DYNC1H1: variants seen among roughly 807,000 people sequenced by gnomAD.
The protein encoded by DYNC1H1 is cytoplasmic dynein 1 heavy chain 1.
DYNC1H1 carries 51 observed loss-of-function variants against 527.1 expected under a neutral mutation model. The ratio of observed to expected loss-of-function variants is 0.10; its 90% CI spans 0.08 to 0.12. DYNC1H1 has a LOEUF of 0.12. Among genes scored for constraint, DYNC1H1 ranks in the 10% least tolerant of loss-of-function variants. DYNC1H1 has a pLI of 1.00. For synonymous variants in DYNC1H1, 2,189 were observed against 2,278.8 expected, an observed-to-expected ratio of 0.96 and a Z score of 1.12; for missense variants, 2,771 against 5,971.8, an observed-to-expected ratio of 0.46 and a Z score of 17.66.
intron 11 of DYNC1H1, among the ~76,000 whole-genome samples, chr14:101,992,369 T>C (rs1172942331): frequency 6.6e-6 from 1 of 152,246 alleles, no homozygotes; most frequent in Middle Eastern, 3.2e-3. Context: ...TGCTGGGCAC[T>C]GTCCAGCTAA....
intron 1 of DYNC1H1, among the ~76,000 whole-genome samples, chr14:101,970,473 G>GTTGTTGT (rs2047722192): frequency 2.5e-5 from 2 of 81,436 alleles, no homozygotes; most frequent in African/African-American, 9.2e-5. Flanking sequence ...GTTTGTTGTT[G>GTTGTTGT]TTTTTTTTTT....
rs1475876803 is a variant in DYNC1H1, at chr14:101,995,099, G to A, written c.3444+3G>A. ...AATTCCATTCCCAGATCTCAAAGGT[G>A]AGGACATAGGATTCTGCCTCTGTAA... On this transcript the variant is annotated splice_donor_region_variant and intron_variant, in intron 14 of 77. Coordinates refer to ENST00000360184, the MANE Select transcript of DYNC1H1 (RefSeq NM_001376.5). 1.2e-6 allele frequency: 2 copies of A among 1,614,092 alleles called. No homozygotes were observed. Among genetic ancestry groups the A allele is most frequent in the Admixed American group, 1.7e-5 (1 of 60,004 alleles).
intron 1 of DYNC1H1, among the ~76,000 whole-genome samples, chr14:101,970,862 T>A (rs2047729372): frequency 6.6e-6 from 1 of 152,010 alleles, no homozygotes. Flanking sequence ...TTTGGTAGTG[T>A]ATGCGGGCCA....
At chr14:102,008,910 A>G (rs1260997126) in intron 29 of DYNC1H1, among the ~76,000 whole-genome samples, 3 of 152,230 alleles carry the variant, frequency 2.0e-5, no homozygotes, top group African/African-American at 7.2e-5. Flanking sequence ...TCAGCCAGCC[A>G]GATGCCCCCG....
Position 101,983,421 on chromosome 14 carries a change from G to T in DYNC1H1, c.1273G>T (p.Asp425Tyr), listed in dbSNP as rs2141272504. 6.2e-7 allele frequency: 1 copy of T among 1,614,140 alleles called. No homozygotes were observed. Among genetic ancestry groups the T allele is most frequent in the African/African-American group, 1.3e-5 (1 of 75,026 alleles). Residue 425 changes from aspartate to tyrosine, a missense_variant, in exon 7 of 78, where the codon GAT (aspartate) becomes TAT (tyrosine). Around this residue, in one of 32 missense-constraint regions of DYNC1H1, gnomAD observed 264 missense variants for 619.4 expected, o/e 0.43. Coordinates refer to ENST00000360184, the MANE Select transcript of DYNC1H1 (RefSeq NM_001376.5). This position sits in a 1 kb window ranked among gnomAD's most constrained non-coding sequence, Gnocchi z 5.3. ...ACFEVFQTWD[D>Y]EYEKLQVLLR... Reference sequence around the variant, plus strand: ...CTTTGAAGTTTTTCAGACTTGGGATGATGAGTATGAGAAACTTCAGGTATT... The same window carrying T: ...CTTTGAAGTTTTTCAGACTTGGGATTATGAGTATGAGAAACTTCAGGTATT...
intron 2 of DYNC1H1, among the ~76,000 whole-genome samples, chr14:101,978,370 G>A (rs1459046494): frequency 5.3e-5 from 8 of 152,076 alleles, no homozygotes; most frequent in East Asian, 3.8e-4. Flanking sequence ...ATGTGGTTTC[G>A]CCATGTTGGC....
rs1229540079 is a variant in DYNC1H1 at position 101,964,956 on chromosome 14, C to T, written c.256+9C>T. 1.3e-6 allele frequency: 2 copies of T among 1,588,676 alleles called. No individual in the cohort carries two copies. Among genetic ancestry groups the T allele is most frequent in the East Asian group, 2.3e-5 (1 of 44,130 alleles). The stretch of plus-strand genomic sequence containing the variant: ...GCGCTCCACGCTCAAAGGTGCGGGG[C>T]CGCGGAGGGCAGGGTCGCCAGAGCC... On this transcript the variant is annotated intron_variant, in intron 1 of 77. Transcript: ENST00000360184. This position sits in a 1 kb window ranked among gnomAD's most constrained non-coding sequence, Gnocchi z 5.5.
chr14:102,048,422 G>A, intron 73 of DYNC1H1, 94 bp from the exon 74 acceptor site: 1 of 1,540,948 alleles, frequency 6.5e-7, no homozygotes, highest in South Asian at 1.1e-5. Flanking sequence ...GAAGCTCTGG[G>A]GCTCTCCCCG....
At position 102,033,585 on chromosome 14, in the gene DYNC1H1, C is replaced by A. The variant is rs1449727761; in HGVS notation, c.10413+101C>A. On this transcript the variant is annotated intron_variant, in intron 54 of 77. Coordinates refer to ENST00000360184, the MANE Select transcript of DYNC1H1 (RefSeq NM_001376.5). The surrounding 1 kb of genome is among the most constrained non-coding windows in gnomAD (Gnocchi z 5.6). Reference sequence around the variant, plus strand: ...TGCACCATGCTGGCCTCGGTGAATTCGCTCTTTAACATCTGTAAGGCCCCG... The same window carrying A: ...TGCACCATGCTGGCCTCGGTGAATTAGCTCTTTAACATCTGTAAGGCCCCG... 1 of 1,465,094 alleles carries A rather than the reference C, an allele frequency of 6.8e-7. No individual in the cohort carries two copies. Among genetic ancestry groups the A allele is most frequent in the South Asian group, 1.2e-5 (1 of 83,434 alleles). 90.8% of individuals were successfully genotyped at this position (1,465,094 alleles called of 1,614,324 possible).
Position 102,049,059 on chromosome 14 carries a change from C to G in DYNC1H1, c.13373-381C>G, listed in dbSNP as rs140993937. 1.5e-3 allele frequency: 620 copies of G among 426,598 alleles called. 9 individuals carry two copies. The East Asian group carries it at 0.027, about 18-fold the overall frequency. 26.4% of individuals were successfully genotyped at this position (426,598 alleles called of 1,614,324 possible). A position where few individuals can be genotyped will look rare whatever the true frequency, so the allele number is the denominator to read the frequency against. On this transcript the variant is annotated intron_variant, in intron 74 of 77. Transcript: ENST00000360184. This position sits in a 1 kb window ranked among gnomAD's most constrained non-coding sequence, Gnocchi z 5.5. The stretch of plus-strand genomic sequence containing the variant: ...GGGCAGGCGGGCATGGGGGGCTCAT[C>G]CAAAGTTGTGGGGAGCCCCCAGCAT...
At chr14:101,968,254 G>C (rs1349128353) in intron 1 of DYNC1H1, among the ~76,000 whole-genome samples, 1 of 151,908 alleles carries the variant, frequency 6.6e-6, no homozygotes, top group Non-Finnish European at 1.5e-5. Flanking sequence ...CGTGTAGTTT[G>C]GGTTTTTTGT....
At position 102,040,220 on chromosome 14, in the gene DYNC1H1, G is replaced by T. The variant is rs778210714; in HGVS notation, c.11691-16G>T. On this transcript the variant is annotated splice_polypyrimidine_tract_variant and intron_variant, in intron 62 of 77. Transcript: ENST00000360184. Reference sequence around the variant, plus strand: ...GAACGTGAGAGACCCTAGCTAACCTGTTGCACCCTTCGCAGGGAGCCCACC... The same window carrying T: ...GAACGTGAGAGACCCTAGCTAACCTTTTGCACCCTTCGCAGGGAGCCCACC... The T allele has an allele frequency of 4.3e-6, 7 of 1,613,956 alleles. No individual in the cohort carries two copies. The highest frequency in any genetic ancestry group is 3.3e-5 in the Admixed American group (2 of 59,998).
intron 23 of DYNC1H1, among the ~76,000 whole-genome samples, chr14:102,003,266 CTTT>C (rs71468380): frequency 1.4e-5 from 2 of 141,338 alleles, no homozygotes; most frequent in Admixed American, 7.1e-5. Flanking sequence ...TGGCAGTTTT[CTTT>C]TTTTTTTTTT....
chr14:101,980,286 T>G, intron 4 of DYNC1H1, 78 bp from the exon 5 acceptor site: 1 of 1,524,054 alleles, frequency 6.6e-7, no homozygotes, highest in Non-Finnish European at 9.1e-7. Context: ...TGAGTTGTAA[T>G]GCATGTGTTT....
Position 102,038,366 on chromosome 14 carries a change from G to A in DYNC1H1, c.10909-94G>A, listed in dbSNP as rs1440143868. 1 of 1,545,552 alleles carries A rather than the reference G, an allele frequency of 6.5e-7. No homozygotes were observed. The highest frequency in any genetic ancestry group is 1.9e-5 in the Admixed American group (1 of 51,936). On this transcript the variant is annotated intron_variant, in intron 57 of 77. Transcript: ENST00000360184. The surrounding 1 kb of genome is among the most constrained non-coding windows in gnomAD (Gnocchi z 7.2). The stretch of plus-strand genomic sequence containing the variant: ...CAAGTGGCGGGTGGCTTTTGGGAAG[G>A]TATGCTTATCCAGAGTAGGACAGCA...
At position 102,042,558 on chromosome 14, in the gene DYNC1H1, G is replaced by T. The variant is rs377539512; in HGVS notation, c.12399+51G>T. 8 of 1,613,672 alleles carry T rather than the reference G, an allele frequency of 5.0e-6. No homozygotes were observed. The highest frequency in any genetic ancestry group is 6.8e-6 in the Non-Finnish European group (8 of 1,179,862). Reference sequence around the variant, plus strand: ...TTGCAGGCTGGCCTGGCACTGTGCTGTCGGCACGTGTGTGGTGGAATTGAA... The same window carrying T: ...TTGCAGGCTGGCCTGGCACTGTGCTTTCGGCACGTGTGTGGTGGAATTGAA... On this transcript the variant is annotated intron_variant, in intron 68 of 77. Transcript: ENST00000360184. The surrounding 1 kb of genome is among the most constrained non-coding windows in gnomAD (Gnocchi z 5.7).
At chr14:101,969,977 G>A (rs540771686) in intron 1 of DYNC1H1, among the ~76,000 whole-genome samples, 51 of 152,170 alleles carry the variant, frequency 3.4e-4, no homozygotes, top group Admixed American at 2.1e-3. Context: ...GATGTTCTAA[G>A]GAGGGTTCTG....
At position 102,038,666 on chromosome 14, in the gene DYNC1H1, A is replaced by C; in HGVS notation, c.11056-32A>C. 6.2e-7 allele frequency: 1 copy of C among 1,614,218 alleles called. No individual in the cohort carries two copies. The highest frequency in any genetic ancestry group is 1.6e-4 in the Middle Eastern group (1 of 6,062). On this transcript the variant is annotated intron_variant, in intron 58 of 77. Coordinates refer to ENST00000360184, the MANE Select transcript of DYNC1H1 (RefSeq NM_001376.5). The surrounding 1 kb of genome is among the most constrained non-coding windows in gnomAD (Gnocchi z 7.2). ...CAGGATGTGGTTTTGAAACTGGATT[A>C]AGACAGACTGTTCTGTTACCTATTT...
Position 102,040,335 on chromosome 14 carries a change from G to A in DYNC1H1, c.11790G>A (p.Glu3930=), listed in dbSNP as rs2048632401. Residue 3930 remains glutamate, a synonymous_variant, in exon 63 of 78, where the codon GAG becomes GAA. Transcript: ENST00000360184. ...CCAGGATCCAGGGCCTGACTGTGGAGCAGGCGGAGGCGGTGGTGAGGCTGA... is the reference window on the plus strand; with the variant it reads ...CCAGGATCCAGGGCCTGACTGTGGAACAGGCGGAGGCGGTGGTGAGGCTGA... ...STPRIQGLTV[E]QAEAVVRLSC... is the part of the protein sequence containing the mutation. 4 of 1,614,106 alleles carry A rather than the reference G, an allele frequency of 2.5e-6. No homozygotes were observed. Among genetic ancestry groups the A allele is most frequent in the African/African-American group, 1.3e-5 (1 of 74,942 alleles).
Sources: gnomAD v4.1 joint callset for allele counts (sites outside exome capture counted in the v4.1 genomes callset) on GRCh38, gnomAD v4.1.1 for gene constraint, gnomAD v4.1.1 regional missense constraint, Gnocchi (gnomAD v3.1) non-coding constraint, MANE v1.5 for transcripts, NCBI Gene and HGNC (gene_info 2026-07-23, HGNC 2026-07-21) for gene names.